The following CFH variants were observed in gnomAD, a reference collection of about 807,000 sequenced individuals.
CFH encodes complement factor H, also known as H factor 1 (complement).
Under a neutral mutation model 147.3 loss-of-function variants are expected in CFH, and 53 were observed. The observed-to-expected ratio is 0.36, with a 90% CI of 0.29 to 0.45. The LOEUF is 0.45. CFH is among the 20% of genes least tolerant of loss of function. CFH has a pLI of 1.00. For missense variants in CFH, 1,380 were observed against 1,498.0 expected, an observed-to-expected ratio of 0.92 and a Z score of 1.30; for synonymous variants, 536 against 489.4, an observed-to-expected ratio of 1.10 and a Z score of -1.26.
intron 10 of CFH, among the ~76,000 whole-genome samples, chr1:196,715,373 G>A (rs1668843996): frequency 6.6e-6 from 1 of 151,548 alleles, no homozygotes; most frequent in Non-Finnish European, 1.5e-5. Context: ...ATATATTTTG[G>A]GGCTTAAGCA....
intron 10 of CFH, among the ~76,000 whole-genome samples, chr1:196,715,195 T>A (rs150102051): frequency 4.2e-4 from 64 of 152,166 alleles, no homozygotes; most frequent in African/African-American, 1.5e-3. Flanking sequence ...TTTCAGTCTT[T>A]TTCTCCTTTT....
At chr1:196,672,555 T>C (rs1667318977) in intron 1 of CFH, among the ~76,000 whole-genome samples, 1 of 152,230 alleles carries the variant, frequency 6.6e-6, no homozygotes, top group Middle Eastern at 3.2e-3. Context: ...GCTTCCCTAA[T>C]AGAATGGAAA....
At chr1:196,677,038 TA>T in intron 4 of CFH, 1 of 162,114 alleles carries the variant, frequency 6.2e-6, no homozygotes. Flanking sequence ...CAAATTATTT[TA>T]AACACTTAGG....
chr1:196,671,039 C>T (rs147645210), intron 1 of CFH, among the ~76,000 whole-genome samples: 2 of 152,104 alleles, frequency 1.3e-5, no homozygotes, highest in African/African-American at 4.8e-5. Context: ...TTACATTAAA[C>T]TTCCTCTAAG....
Position 196,727,854 on chromosome 1 carries a change from C to T in CFH, c.2237-492C>T, listed in dbSNP as rs1311362424. Reference sequence around the variant, plus strand: ...GGACGTAAATCTCATTGACGGACTTCACACTGTAAATCTCATGTCTTGATC... The same window carrying T: ...GGACGTAAATCTCATTGACGGACTTTACACTGTAAATCTCATGTCTTGATC... On this transcript the variant is annotated intron_variant, in intron 14 of 21. Coordinates refer to ENST00000367429, the MANE Select transcript of CFH (RefSeq NM_000186.4). Among the ~76,000 whole-genome samples the T allele has an allele frequency of 2.0e-5, 3 of 152,150 alleles. No homozygotes were observed. In the East Asian group the frequency reaches 5.8e-4, roughly 29 times the overall value.
At chr1:196,662,410 A>G (rs1572998357) in intron 1 of CFH, among the ~76,000 whole-genome samples, 1 of 152,250 alleles carries the variant, frequency 6.6e-6, no homozygotes, top group Admixed American at 6.5e-5. Flanking sequence ...CATGTAAGGT[A>G]ATATTTTTAT....
intron 11 of CFH, among the ~76,000 whole-genome samples, chr1:196,718,769 T>C (rs1422491550): frequency 6.6e-6 from 1 of 151,892 alleles, no homozygotes; most frequent in Non-Finnish European, 1.5e-5. Context: ...AAAGTTGGAG[T>C]GGCGGACATA....
intron 9 of CFH, among the ~76,000 whole-genome samples, chr1:196,704,488 C>T (rs1378331105): frequency 6.6e-6 from 1 of 152,194 alleles, no homozygotes; most frequent in East Asian, 1.9e-4. Flanking sequence ...TCAGACCAAG[C>T]ATGTGCTCTG....
At chr1:196,741,217 GTAT>G (rs1652798829) in intron 18 of CFH, 1 of 208,282 alleles carries the variant, frequency 4.8e-6, no homozygotes, top group Admixed American at 5.3e-5. Flanking sequence ...TATAGGTGGT[GTAT>G]TATTCCGTTT....
At chr1:196,686,288 A>G (rs1667824599) in intron 7 of CFH, among the ~76,000 whole-genome samples, 1 of 152,126 alleles carries the variant, frequency 6.6e-6, no homozygotes, top group East Asian at 1.9e-4. Flanking sequence ...GAAGTGAGAC[A>G]CTAAGTCCAG....
chr1:196,729,841 C>G (rs757483763), intron 15 of CFH, among the ~76,000 whole-genome samples: 1 of 151,702 alleles, frequency 6.6e-6, no homozygotes, highest in Non-Finnish European at 1.5e-5. Context: ...GAAATTTATC[C>G]ATTTCTTCTA....
intron 1 of CFH, among the ~76,000 whole-genome samples, chr1:196,656,685 C>T (rs1349296690): frequency 4.0e-4 from 46 of 114,548 alleles, no homozygotes; most frequent in African/African-American, 1.3e-3. Flanking sequence ...ATGTGTGTTG[C>T]GTTTTTTTTT....
chr1:196,686,531 T>C (rs1441815849), intron 7 of CFH, among the ~76,000 whole-genome samples: 1 of 152,126 alleles, frequency 6.6e-6, no homozygotes, highest in Non-Finnish European at 1.5e-5. Context: ...TATAAGTACA[T>C]AGACAAGAAG....
intron 20 of CFH, among the ~76,000 whole-genome samples, chr1:196,745,430 G>A (rs988682392): frequency 2.0e-5 from 3 of 152,074 alleles, no homozygotes; most frequent in Non-Finnish European, 4.4e-5. Flanking sequence ...GTATTATTAA[G>A]TATATTCAGT....
intron 9 of CFH, among the ~76,000 whole-genome samples, chr1:196,704,216 T>C (rs1268355038): frequency 6.6e-6 from 1 of 151,958 alleles, no homozygotes; most frequent in East Asian, 2.0e-4. Flanking sequence ...TGTCTCAGCC[T>C]CCCGAGTAGC....
At chr1:196,665,639 C>G (rs942997743) in intron 1 of CFH, among the ~76,000 whole-genome samples, 1 of 151,942 alleles carries the variant, frequency 6.6e-6, no homozygotes, top group African/African-American at 2.4e-5. Context: ...CAGAGCTTTG[C>G]TCTTGTTGCC....
intron 15 of CFH, among the ~76,000 whole-genome samples, chr1:196,732,370 G>A (rs1313976888): frequency 6.6e-6 from 1 of 151,890 alleles, no homozygotes; most frequent in Non-Finnish European, 1.5e-5. Flanking sequence ...CTTTGTTGAA[G>A]TAGTTAATTT....
chr1:196,665,044 G>C (rs980961611), intron 1 of CFH, among the ~76,000 whole-genome samples: 1 of 151,148 alleles, frequency 6.6e-6, no homozygotes, highest in Non-Finnish European at 1.5e-5. Context: ...GTTAAAATTG[G>C]TCAAAAAATA....
chr1:196,700,363 A>T (rs957224076), intron 9 of CFH, among the ~76,000 whole-genome samples: 1 of 152,130 alleles, frequency 6.6e-6, no homozygotes, highest in Non-Finnish European at 1.5e-5. Context: ...ATAAAAATTC[A>T]TGGCAAGCAC....
Sources: allele counts gnomAD v4.1 joint callset (sites outside exome capture counted in the v4.1 genomes callset), GRCh38; gene constraint gnomAD v4.1.1; transcripts MANE v1.5; gene names NCBI Gene and HGNC (gene_info 2026-07-23, HGNC 2026-07-21).